Variants in DOCK9 observed in about 807,000 individuals in gnomAD.
DOCK9 encodes the protein dedicator of cytokinesis protein 9.
In DOCK9, 89 loss-of-function variants were observed where a neutral mutation model predicts 263.3. The observed-to-expected ratio is 0.34, with a 90% CI of 0.28 to 0.40. DOCK9 has a LOEUF of 0.40. Ranked by LOEUF, DOCK9 falls within the 10% of genes least tolerant of loss-of-function variation. The probability of loss-of-function intolerance (pLI) is 1.00; values close to 1 mark genes in which losing one functional copy is unlikely to be tolerated. For synonymous variants in DOCK9, 976 were observed against 973.1 expected, an observed-to-expected ratio of 1.00 and a Z score of -0.06; for missense variants, 2,140 against 2,603.4, an observed-to-expected ratio of 0.82 and a Z score of 3.87.
chr13:98,900,476 C>T (rs1245364241), intron 13 of DOCK9, among the ~76,000 whole-genome samples: 2 of 152,212 alleles, frequency 1.3e-5, no homozygotes, highest in Non-Finnish European at 2.9e-5. Context: ...AACAGCTTCT[C>T]TCCAGAGACC....
chr13:98,840,736 G>A (rs1181636729), intron 38 of DOCK9, among the ~76,000 whole-genome samples: 1 of 152,160 alleles, frequency 6.6e-6, no homozygotes, highest in African/African-American at 2.4e-5. Context: ...AGAAGAGTAG[G>A]TCAGAGACGT....
At chr13:99,059,761 A>G (rs1347710445) in intron 1 of DOCK9, among the ~76,000 whole-genome samples, 1 of 152,138 alleles carries the variant, frequency 6.6e-6, no homozygotes, top group East Asian at 1.9e-4. Flanking sequence ...TCATCATAAC[A>G]ATCTAATTTT....
At chr13:98,806,055 T>C (rs2090670986) in intron 48 of DOCK9, among the ~76,000 whole-genome samples, 1 of 152,226 alleles carries the variant, frequency 6.6e-6, no homozygotes, top group Admixed American at 6.5e-5. Flanking sequence ...ACCTCCAGTC[T>C]GGATTTCTCT....
At position 98,865,141 on chromosome 13, in the gene DOCK9, A is replaced by G. The variant is rs369905768; in HGVS notation, c.3287-1593T>C. On this transcript the variant is annotated intron_variant, in intron 30 of 52. Transcript: ENST00000682017. ...ATAATCTGCCTAGATTGCAGATTTCACTGCAATCTCTGCCTCCTGGGCTTA... is the reference window on the plus strand; with the variant it reads ...ATAATCTGCCTAGATTGCAGATTTCGCTGCAATCTCTGCCTCCTGGGCTTA... Among the ~76,000 whole-genome samples, 10 of 152,260 alleles carry G rather than the reference A, an allele frequency of 6.6e-5. No homozygotes were observed. In the East Asian group the frequency reaches 1.7e-3, roughly 26 times the overall value.
intron 49 of DOCK9, among the ~76,000 whole-genome samples, chr13:98,802,200 T>TAG: frequency 6.6e-6 from 1 of 152,354 alleles, no homozygotes; most frequent in Non-Finnish European, 1.5e-5. Flanking sequence ...GATCACGTTC[T>TAG]ACCACGGTTA....
At chr13:98,855,455 C>T (rs1235538323) in intron 34 of DOCK9, among the ~76,000 whole-genome samples, 2 of 152,136 alleles carry the variant, frequency 1.3e-5, no homozygotes, top group Non-Finnish European at 2.9e-5. Flanking sequence ...GCCTGTGGTC[C>T]CAGCTGCTGG....
intron 1 of DOCK9, chr13:99,086,209 C>T: frequency 1.3e-6 from 2 of 1,485,924 alleles, no homozygotes; most frequent in African/African-American, 1.5e-5. Flanking sequence ...GGCCCGCGGT[C>T]GTCCCGCACT....
At chr13:99,048,944 TATA>T (rs1288093144) in intron 1 of DOCK9, among the ~76,000 whole-genome samples, 1 of 152,190 alleles carries the variant, frequency 6.6e-6, no homozygotes, top group African/African-American at 2.4e-5. Flanking sequence ...AAATAATGAA[TATA>T]ATAATAATAA....
At chr13:99,063,178 C>G (rs893088661) in intron 1 of DOCK9, among the ~76,000 whole-genome samples, 3 of 152,202 alleles carry the variant, frequency 2.0e-5, no homozygotes, top group Admixed American at 6.5e-5. Flanking sequence ...TGCAGTAAGT[C>G]TAGACAGAGG....
At chr13:98,949,925 G>T in intron 2 of DOCK9, 1 of 476,790 alleles carries the variant, frequency 2.1e-6, no homozygotes, top group Non-Finnish European at 4.1e-6. Context: ...ACTCCCCCAG[G>T]TGCTCCTCAA....
intron 1 of DOCK9, among the ~76,000 whole-genome samples, chr13:98,957,633 T>TAA (rs571997451): frequency 0.028 from 4,152 of 147,710 alleles, 84 homozygotes; most frequent in Middle Eastern, 0.056. Context: ...ATATTTTAAT[T>TAA]AAAAAAAAAA....
At position 98,829,724 on chromosome 13, in the gene DOCK9, G is replaced by A. The variant is rs374227360; in HGVS notation, c.4668C>T (p.Asp1556=). The part of the protein sequence containing the change: ...VIISVSQLIA[D]VVGIGGTRFQ... ...ATCTGGTTCCCCCAATGCCAACAAC[G>A]TCTGCTATCAGCTGGCTGACAGATA... Residue 1556 remains aspartate (D), a synonymous_variant, in exon 42 of 53, where the codon GAC becomes GAT. Coordinates refer to ENST00000682017, the MANE Select transcript of DOCK9 (RefSeq NM_001366683.2). The surrounding 1 kb of genome is among the most constrained non-coding windows in gnomAD (Gnocchi z 4.1). 5.8e-5 allele frequency: 94 copies of A among 1,609,608 alleles called. No individual in the cohort carries two copies. Among genetic ancestry groups the A allele is most frequent in the South Asian group, 2.0e-4 (18 of 89,730 alleles).
In DOCK9 at chr13:98,902,268, G is replaced by A. The variant is rs748921294; in HGVS notation, c.1380+20C>T. The stretch of plus-strand genomic sequence containing the variant: ...CAAAGTGAGTCTGAGTAGTGGGAAT[G>A]CTGGGCTCATACTCCCCACCTGCTT... On this transcript the variant is annotated intron_variant, in intron 12 of 52. Coordinates refer to ENST00000682017, the MANE Select transcript of DOCK9 (RefSeq NM_001366683.2). 6.2e-7 allele frequency: 1 copy of A among 1,610,944 alleles called. No individual in the cohort carries two copies. Among genetic ancestry groups the A allele is most frequent in the South Asian group, 1.1e-5 (1 of 90,906 alleles).
intron 27 of DOCK9, among the ~76,000 whole-genome samples, chr13:98,872,495 C>G (rs1450401477): frequency 1.3e-5 from 2 of 152,134 alleles, no homozygotes; most frequent in Non-Finnish European, 2.9e-5. Flanking sequence ...TAGCCTCATC[C>G]TCCAGGGCTC....
At chr13:99,031,538 A>G (rs1207616625) in intron 1 of DOCK9, among the ~76,000 whole-genome samples, 1 of 152,238 alleles carries the variant, frequency 6.6e-6, no homozygotes, top group African/African-American at 2.4e-5. Context: ...TTCTTTATGT[A>G]GTTACATTGG....
intron 27 of DOCK9, among the ~76,000 whole-genome samples, chr13:98,878,617 G>A (rs1182399314): frequency 6.6e-6 from 1 of 152,222 alleles, no homozygotes; most frequent in Non-Finnish European, 1.5e-5. Context: ...TTGGCAGGCT[G>A]CTCTGGCATG....
At chr13:98,868,861 A>G (rs558191232) in intron 27 of DOCK9, among the ~76,000 whole-genome samples, 2 of 152,346 alleles carry the variant, frequency 1.3e-5, no homozygotes, top group African/African-American at 2.4e-5. Context: ...AAATACTTCA[A>G]ATAAGTGCTG....
chr13:98,961,291 T>G (rs2058611340), intron 1 of DOCK9, among the ~76,000 whole-genome samples: 1 of 152,182 alleles, frequency 6.6e-6, no homozygotes, highest in African/African-American at 2.4e-5. Flanking sequence ...GTTTCCAGTC[T>G]CATGGTAAGC....
In DOCK9 at chr13:98,840,559, T is replaced by TA. The variant is rs565693863; in HGVS notation, c.4199-2951dup. ...GAAATTTGTCTACACTGAATTAACCTAACCCTGTTCTACAAACTCACGTTA... is the reference window on the plus strand; with the variant it reads ...GAAATTTGTCTACACTGAATTAACCTAAACCCTGTTCTACAAACTCACGTTA... On this transcript the variant is annotated intron_variant, in intron 38 of 52. Coordinates refer to ENST00000682017, the MANE Select transcript of DOCK9 (RefSeq NM_001366683.2). Among the ~76,000 whole-genome samples the TA allele has an allele frequency of 4.7e-4, 71 of 152,352 alleles. 1 individual carries two copies. Among genetic ancestry groups the TA allele is most frequent in the African/African-American group, 1.7e-3 (70 of 41,580 alleles).
Sources: allele counts gnomAD v4.1 joint callset (sites outside exome capture counted in the v4.1 genomes callset), GRCh38; gene constraint gnomAD v4.1.1; non-coding constraint Gnocchi (gnomAD v3.1); transcripts MANE v1.5; gene names NCBI Gene and HGNC (gene_info 2026-07-23, HGNC 2026-07-21).